Variants in RNF175 observed in about 807,000 individuals in gnomAD.
RNF175 encodes ring finger protein 175.
RNF175 carries 38 observed loss-of-function variants against 50.0 expected under a neutral mutation model. The observed-to-expected ratio is 0.76, with a 90% CI of 0.59 to 1.00. The LOEUF (loss-of-function observed/expected upper bound fraction) is 1.00. Ranked by LOEUF, RNF175 falls within the 50% of genes least tolerant of loss-of-function variation. The probability of loss-of-function intolerance (pLI) is 0.00; values close to 1 mark genes in which losing one functional copy is unlikely to be tolerated. For missense variants in RNF175, 388 were observed against 409.6 expected, an observed-to-expected ratio of 0.95 and a Z score of 0.46; for synonymous variants, 155 against 146.1, an observed-to-expected ratio of 1.06 and a Z score of -0.44.
At chr4:153,754,156 C>G in intron 1 of RNF175, among the ~76,000 whole-genome samples, 1 of 114,360 alleles carries the variant, frequency 8.7e-6, no homozygotes, top group Non-Finnish European at 1.8e-5. Context: ...GGTGACAGAG[C>G]AAGACTCCGT....
rs1050201217 is a variant in RNF175, at chr4:153,710,567, T to C, written c.867-78A>G. The C allele has an allele frequency of 6.7e-6, 9 of 1,349,194 alleles. No homozygotes were observed. In the African/African-American group the frequency reaches 1.3e-4, roughly 19 times the overall value. 83.6% of individuals were successfully genotyped at this position (1,349,194 alleles called of 1,614,324 possible). ...TCATAAATGTCATTTGCAAATATAA[T>C]AAACAATGTAATGAATGGGTATTTC... On this transcript the variant is annotated intron_variant, in intron 8 of 8. Coordinates refer to ENST00000347063, the MANE Select transcript of RNF175 (RefSeq NM_173662.4).
At chr4:153,751,598 T>G in intron 1 of RNF175, 123 bp from the exon 2 acceptor site, 3 of 697,858 alleles carry the variant, frequency 4.3e-6, no homozygotes, top group Non-Finnish European at 2.4e-6. Flanking sequence ...TTTGAATAAT[T>G]TGGGATAAAA....
At chr4:153,710,631 T>C (rs1737506070) in intron 8 of RNF175, 142 bp from the exon 9 acceptor site, 3 of 759,048 alleles carry the variant, frequency 4.0e-6, no homozygotes, top group Middle Eastern at 5.8e-4. Flanking sequence ...AAAAGCCCCT[T>C]ATGTGAGTTT....
intron 1 of RNF175, among the ~76,000 whole-genome samples, chr4:153,755,331 C>T (rs1233582503): frequency 1.3e-5 from 2 of 152,266 alleles, no homozygotes; most frequent in Non-Finnish European, 2.9e-5. Context: ...GCCTGCCTGT[C>T]AACAGGCTTT....
chr4:153,714,006 T>C (rs1352145484), intron 7 of RNF175: 2 of 152,216 alleles, frequency 1.3e-5, no homozygotes, highest in Non-Finnish European at 2.9e-5. Flanking sequence ...TTAATATGAC[T>C]CATATTTGCC....
At chr4:153,723,275 G>A in intron 5 of RNF175, 76 bp downstream of exon 5, 1 of 735,412 alleles carries the variant, frequency 1.4e-6, no homozygotes, top group Non-Finnish European at 2.4e-6. Flanking sequence ...GATGCTTCTG[G>A]ATTAAGAGAA....
chr4:153,730,563 G>A (rs184927769), intron 3 of RNF175, among the ~76,000 whole-genome samples: 1 of 152,196 alleles, frequency 6.6e-6, no homozygotes, highest in Admixed American at 6.5e-5. Flanking sequence ...ATTACTTCTG[G>A]TAGTAAAGAA....
intron 3 of RNF175, among the ~76,000 whole-genome samples, chr4:153,742,104 G>A (rs545055944): frequency 2.6e-5 from 4 of 151,874 alleles, no homozygotes; most frequent in East Asian, 1.9e-4. Context: ...GTGAAACCCC[G>A]TCTCTACTAA....
At chr4:153,745,447 T>C (rs1188987521) in intron 3 of RNF175, among the ~76,000 whole-genome samples, 1 of 152,206 alleles carries the variant, frequency 6.6e-6, no homozygotes, top group African/African-American at 2.4e-5. Context: ...GTGGTGAACA[T>C]GCTTGAATGA....
rs144657771 is a variant in RNF175, at chr4:153,729,899, C to CGCTT, written c.247-1539_247-1538insAAGC. The stretch of plus-strand genomic sequence containing the variant: ...GAATACTTTCAGGGAAAAAAATCCA[C>CGCTT]TAATCTTGCCTCCATTTATCAGATA... On this transcript the variant is annotated intron_variant, in intron 3 of 8. Transcript: ENST00000347063. The CGCTT allele has an allele frequency of 3.5e-4, 176 of 506,698 alleles. 2 individuals are homozygous for CGCTT. The highest frequency in any genetic ancestry group is 1.0e-3 in the Middle Eastern group (1 of 998). 31.4% of individuals were successfully genotyped at this position (506,698 alleles called of 1,614,324 possible).
rs963087992 is a variant in RNF175, at chr4:153,741,194, A to G, written c.246+7451T>C. ...TTGTTTCCCCTTAGGTGACACAGGA[A>G]GGCTAGAGGGAGCTGGAGTTGGGTT... On this transcript the variant is annotated intron_variant, in intron 3 of 8. Coordinates refer to ENST00000347063, the MANE Select transcript of RNF175 (RefSeq NM_173662.4). Among the ~76,000 whole-genome samples, 9 of 152,178 alleles carry G rather than the reference A, an allele frequency of 5.9e-5. 1 individual carries two copies. Among genetic ancestry groups the G allele is most frequent in the Non-Finnish European group, 8.8e-5 (6 of 68,018 alleles).
At chr4:153,746,983 C>T (rs1039931973) in intron 3 of RNF175, among the ~76,000 whole-genome samples, 14 of 152,184 alleles carry the variant, frequency 9.2e-5, no homozygotes, top group South Asian at 2.1e-4. Flanking sequence ...CCAAGGAGAA[C>T]GATGCTGGAA....
chr4:153,742,619 C>G (rs1261614688), intron 3 of RNF175, among the ~76,000 whole-genome samples: 3 of 152,122 alleles, frequency 2.0e-5, no homozygotes, highest in Non-Finnish European at 4.4e-5. Context: ...GAGCAAATAA[C>G]TAGTGAGGTT....
At chr4:153,759,227 C>T (rs1418750969) in intron 1 of RNF175, among the ~76,000 whole-genome samples, 1 of 152,180 alleles carries the variant, frequency 6.6e-6, no homozygotes, top group East Asian at 1.9e-4. Flanking sequence ...CTAGGTTGAG[C>T]ACCAGGCAAG....
intron 5 of RNF175, among the ~76,000 whole-genome samples, chr4:153,720,974 G>T (rs943831871): frequency 1.3e-5 from 2 of 152,152 alleles, no homozygotes; most frequent in African/African-American, 4.8e-5. Context: ...AAAACATGGA[G>T]ACTTAGAAAA....
intron 2 of RNF175, 84 bp downstream of exon 2, chr4:153,751,354 T>C (rs1413378711): frequency 9.0e-6 from 9 of 995,024 alleles, no homozygotes; most frequent in East Asian, 2.6e-5. Flanking sequence ...ACAAATAAAA[T>C]GATGACTTCA....
At chr4:153,749,068 C>T (rs1740151135) in intron 2 of RNF175, among the ~76,000 whole-genome samples, 1 of 152,160 alleles carries the variant, frequency 6.6e-6, no homozygotes, top group Non-Finnish European at 1.5e-5. Context: ...TTGGCCTCAG[C>T]CTTGTCTTTT....
In RNF175 at chr4:153,712,397, CT is replaced by C. The variant is rs1405556012; in HGVS notation, c.866+77del. The C allele has an allele frequency of 7.1e-6, 7 of 987,662 alleles. No individual in the cohort carries two copies. The Admixed American group carries it at 1.5e-4, about 22-fold the overall frequency. 61.2% of individuals were successfully genotyped at this position (987,662 alleles called of 1,614,324 possible). On this transcript the variant is annotated intron_variant, in intron 8 of 8. Transcript: ENST00000347063. ...TTTCTGCTGGAACTATACAAAAACA[CT>C]GAAACTTTTCATTGAAGAATATATC...
chr4:153,710,529 G>A, intron 8 of RNF175, 40 bp from the exon 9 acceptor site: 1 of 1,589,102 alleles, frequency 6.3e-7, no homozygotes, highest in Non-Finnish European at 8.6e-7. Context: ...ATACAGCCAA[G>A]TAGCAGAAAT....
Sources: allele counts gnomAD v4.1 joint callset (sites outside exome capture counted in the v4.1 genomes callset), GRCh38; gene constraint gnomAD v4.1.1; transcripts MANE v1.5; gene names NCBI Gene and HGNC (gene_info 2026-07-23, HGNC 2026-07-21).